The following FGF14 variants were observed in gnomAD, a reference collection of about 807,000 sequenced individuals.
FGF14 encodes fibroblast growth factor homologous factor 4.
Under a neutral mutation model 25.5 loss-of-function variants are expected in FGF14, and 5 were observed. That is an observed-to-expected ratio of 0.20 (90% CI 0.10 to 0.41). The LOEUF is 0.41. FGF14 is among the 10% of genes least tolerant of loss of function. The pLI is 1.00. For synonymous variants in FGF14, 138 were observed against 118.3 expected, an observed-to-expected ratio of 1.17 and a Z score of -1.08; for missense variants, 222 against 320.1, an observed-to-expected ratio of 0.69 and a Z score of 2.34.
intron 1 of FGF14, among the ~76,000 whole-genome samples, chr13:102,285,700 T>C (rs2054062150): frequency 6.6e-6 from 1 of 152,258 alleles, no homozygotes. Context: ...AATACATTGA[T>C]AGCATTTAAT....
intron 1 of FGF14, among the ~76,000 whole-genome samples, chr13:101,878,271 G>A (rs1369535211): frequency 6.6e-6 from 1 of 152,122 alleles, no homozygotes; most frequent in African/African-American, 2.4e-5. Context: ...ATCTGTGTAG[G>A]CATGCACCCA....
intron 1 of FGF14, among the ~76,000 whole-genome samples, chr13:101,944,010 A>C (rs1405366173): frequency 0.018 from 2,345 of 127,976 alleles, 62 homozygotes; most frequent in African/African-American, 0.096. Context: ...AAAAAAAAAA[A>C]AAAACAAAAA....
chr13:101,787,752 C>T (rs957111536), intron 3 of FGF14, among the ~76,000 whole-genome samples: 1 of 152,204 alleles, frequency 6.6e-6, no homozygotes, highest in African/African-American at 2.4e-5. Flanking sequence ...TCTGCTGTTA[C>T]CCCAGCAATG....
chr13:102,091,623 C>T (rs2044169387), intron 1 of FGF14, among the ~76,000 whole-genome samples: 1 of 152,176 alleles, frequency 6.6e-6, no homozygotes, highest in South Asian at 2.1e-4. Context: ...AGTCTTTCCT[C>T]TGAGCTCAGA....
intron 1 of FGF14, among the ~76,000 whole-genome samples, chr13:101,956,950 A>T (rs1411140416): frequency 6.6e-6 from 1 of 151,888 alleles, no homozygotes; most frequent in African/African-American, 2.4e-5. Flanking sequence ...AGAAAATTAA[A>T]CTCTTACTAC....
At chr13:101,812,637 ATATATATATATATATATTTTTTTT>A (rs1228574184) in intron 3 of FGF14, among the ~76,000 whole-genome samples, 104 of 11,732 alleles carry the variant, frequency 8.9e-3, no homozygotes, top group African/African-American at 0.027. Context: ...ATATATATAT[ATATATATATATATATATTTTTTTT>A]TTTTTTTTTT....
chr13:101,877,374 T>C (rs1175718947), intron 1 of FGF14, among the ~76,000 whole-genome samples: 1 of 152,210 alleles, frequency 6.6e-6, no homozygotes, highest in Non-Finnish European at 1.5e-5. Context: ...CAGGCATTAT[T>C]AGAAGCACAT....
chr13:101,916,449 A>C lies in FGF14; in HGVS notation c.193+4T>G. On this transcript the variant is annotated splice_donor_region_variant and intron_variant, in intron 1 of 4. Coordinates refer to ENST00000376143, the MANE Select transcript of FGF14 (RefSeq NM_004115.4). ...CGCATCTCCCGACCATGACCCCCAC[A>C]GACCTTGGCGCCGCAACCTGCGCTT... 6.2e-7 allele frequency: 1 copy of C among 1,613,930 alleles called. No individual in the cohort carries two copies. Among genetic ancestry groups the C allele is most frequent in the Non-Finnish European group, 8.5e-7 (1 of 1,179,922 alleles).
intron 1 of FGF14, among the ~76,000 whole-genome samples, chr13:102,067,062 C>T (rs1351016444): frequency 6.6e-6 from 1 of 152,208 alleles, no homozygotes; most frequent in Non-Finnish European, 1.5e-5. Context: ...CTTCTTAAAA[C>T]TATGTTTCTG....
intron 3 of FGF14, among the ~76,000 whole-genome samples, chr13:101,789,808 TTAA>T (rs1199904517): frequency 1.7e-4 from 25 of 146,768 alleles, no homozygotes; most frequent in Admixed American, 9.2e-4. Flanking sequence ...TTTATATATA[TTAA>T]TAAGGACTTT....
intron 1 of FGF14, among the ~76,000 whole-genome samples, chr13:102,382,644 A>G (rs561799817): frequency 3.3e-5 from 5 of 152,252 alleles, no homozygotes; most frequent in Non-Finnish European, 7.4e-5. Flanking sequence ...GAATTGAAAC[A>G]TATGTCCATG....
At chr13:102,224,505 A>G (rs915376615) in intron 1 of FGF14, among the ~76,000 whole-genome samples, 2 of 152,124 alleles carry the variant, frequency 1.3e-5, no homozygotes, top group Non-Finnish European at 1.5e-5. Context: ...CCCATTTATC[A>G]TTACCACAAG....
At chr13:102,077,397 A>T (rs2043413199) in intron 1 of FGF14, among the ~76,000 whole-genome samples, 1 of 152,166 alleles carries the variant, frequency 6.6e-6, no homozygotes, top group African/African-American at 2.4e-5. Context: ...AATGCATTTG[A>T]TAAGGGGTTA....
At chr13:102,399,648 A>T (rs2058656631) in intron 1 of FGF14, among the ~76,000 whole-genome samples, 1 of 152,210 alleles carries the variant, frequency 6.6e-6, no homozygotes, top group African/African-American at 2.4e-5. Context: ...TGAATTAGAC[A>T]TGCGGGTGGA....
intron 1 of FGF14, among the ~76,000 whole-genome samples, chr13:102,004,535 C>A (rs1394932962): frequency 6.6e-6 from 1 of 152,192 alleles, no homozygotes; most frequent in African/African-American, 2.4e-5. Flanking sequence ...CTCTCTATAA[C>A]AACAAGCCTC....
intron 1 of FGF14, among the ~76,000 whole-genome samples, chr13:102,011,328 T>C (rs544298140): frequency 6.8e-4 from 103 of 152,356 alleles, no homozygotes; most frequent in African/African-American, 2.5e-3. Flanking sequence ...ATTCCTTCCC[T>C]TTTCTTACTT....
intron 1 of FGF14, among the ~76,000 whole-genome samples, chr13:102,392,679 A>C (rs2058460948): frequency 6.6e-6 from 1 of 152,198 alleles, no homozygotes; most frequent in Non-Finnish European, 1.5e-5. Flanking sequence ...AGAACTGTCC[A>C]AATCAAAAAC....
At chr13:101,891,299 G>A (rs557672831) in intron 1 of FGF14, among the ~76,000 whole-genome samples, 33 of 152,250 alleles carry the variant, frequency 2.2e-4, no homozygotes, top group Admixed American at 7.2e-4. Context: ...CTCCAGTTGT[G>A]AGGAATATAA....
At chr13:102,349,937 A>G (rs1594918396) in intron 1 of FGF14, among the ~76,000 whole-genome samples, 1 of 152,234 alleles carries the variant, frequency 6.6e-6, no homozygotes, top group South Asian at 2.1e-4. Flanking sequence ...TAAGGGGGGA[A>G]AATTATAATT....
Sources: allele counts gnomAD v4.1 joint callset (sites outside exome capture counted in the v4.1 genomes callset), GRCh38; gene constraint gnomAD v4.1.1; transcripts MANE v1.5; gene names NCBI Gene and HGNC (gene_info 2026-07-23, HGNC 2026-07-21).